Variants in TNR observed in about 807,000 individuals in gnomAD.
The protein encoded by TNR is tenascin R.
Under a neutral mutation model 150.4 loss-of-function variants are expected in TNR, and 45 were observed. The ratio of observed to expected loss-of-function variants is 0.30; its 90% CI spans 0.24 to 0.38. The LOEUF (loss-of-function observed/expected upper bound fraction) is 0.38. TNR is among the 10% of genes least tolerant of loss of function. TNR has a pLI of 1.00. For missense variants in TNR, 1,544 were observed against 1,759.1 expected, an observed-to-expected ratio of 0.88 and a Z score of 2.19; for synonymous variants, 687 against 678.4, an observed-to-expected ratio of 1.01 and a Z score of -0.20.
chr1:175,709,304 CACAT>C lies in TNR; in HGVS notation c.-165+33918_-165+33921del, dbSNP rs747913014. ...TTCCTCCCTTGCTTTCACACACACA[CACAT>C]ACACACACACACACACACACACACA... On this transcript the variant is annotated intron_variant, in intron 1 of 22. Coordinates refer to ENST00000367674, the MANE Select transcript of TNR (RefSeq NM_003285.3). Among the ~76,000 whole-genome samples, 1,308 of 137,872 alleles carry C rather than the reference CACAT, an allele frequency of 9.5e-3. 10 individuals are homozygous for C. Among genetic ancestry groups the C allele is most frequent in the Middle Eastern group, 0.045 (13 of 288 alleles). The allele number at this position is 137,872 out of a possible 152,430, so 90.4% of individuals were successfully genotyped here.
At chr1:175,709,346 C>T (rs1162922334) in intron 1 of TNR, among the ~76,000 whole-genome samples, 1 of 151,820 alleles carries the variant, frequency 6.6e-6, no homozygotes, top group Non-Finnish European at 1.5e-5. Context: ...CACACACGCA[C>T]TTCCAACAAG....
At chr1:175,583,983 G>A (rs555455260) in intron 1 of TNR, among the ~76,000 whole-genome samples, 77 of 152,306 alleles carry the variant, frequency 5.1e-4, no homozygotes, top group Admixed American at 1.8e-3. Flanking sequence ...TCCAGAAGAC[G>A]TGGAGCTGTG....
At chr1:175,631,067 G>A (rs532023620) in intron 1 of TNR, among the ~76,000 whole-genome samples, 3 of 152,312 alleles carry the variant, frequency 2.0e-5, no homozygotes, top group Admixed American at 6.5e-5. Context: ...TTTCAACGGC[G>A]CAATCTTTGT....
chr1:175,500,344 C>G (rs535011161), intron 2 of TNR, among the ~76,000 whole-genome samples: 1 of 152,168 alleles, frequency 6.6e-6, no homozygotes. Flanking sequence ...TTCCATTTTT[C>G]TTGTGTGGAT....
chr1:175,479,229 G>T (rs1571498553), intron 2 of TNR, among the ~76,000 whole-genome samples: 1 of 152,258 alleles, frequency 6.6e-6, no homozygotes, highest in African/African-American at 2.4e-5. Context: ...CCCCTCCTTT[G>T]AGATGGGAAA....
intron 19 of TNR, among the ~76,000 whole-genome samples, chr1:175,336,605 C>T (rs1264852014): frequency 6.6e-6 from 1 of 152,192 alleles, no homozygotes; most frequent in Non-Finnish European, 1.5e-5. Context: ...AGGAGGCTGC[C>T]CTTATTTTCC....
chr1:175,393,772 A>AGT lies in TNR; in HGVS notation c.1356+6_1356+7dup. 1 of 1,597,452 alleles carries AGT rather than the reference A, an allele frequency of 6.3e-7. No individual in the cohort carries two copies. Among genetic ancestry groups the AGT allele is most frequent in the Non-Finnish European group, 8.6e-7 (1 of 1,164,718 alleles). ...AGTCTGTTTGGCAGTGTAACAGGTG[A>AGT]GTGTTACCTTTGGAATGAAGCTGAT... On this transcript the variant is annotated splice_region_variant and intron_variant, in intron 6 of 22. Transcript: ENST00000367674.
At chr1:175,488,867 G>A (rs973684969) in intron 2 of TNR, among the ~76,000 whole-genome samples, 2 of 152,222 alleles carry the variant, frequency 1.3e-5, no homozygotes, top group Admixed American at 1.3e-4. Flanking sequence ...GAGGGAGGAA[G>A]GGTGCCTGCA....
chr1:175,720,807 C>G (rs946969795), intron 1 of TNR, among the ~76,000 whole-genome samples: 2 of 152,212 alleles, frequency 1.3e-5, no homozygotes, highest in African/African-American at 4.8e-5. Context: ...CTGTTTTGCT[C>G]TCATTCAAGG....
chr1:175,542,840 C>T (rs1029062359), intron 1 of TNR, among the ~76,000 whole-genome samples: 1 of 152,148 alleles, frequency 6.6e-6, no homozygotes, highest in Non-Finnish European at 1.5e-5. Context: ...CTTTCCAACG[C>T]TTTTGCCCAC....
intron 1 of TNR, among the ~76,000 whole-genome samples, chr1:175,741,141 T>A (rs1437289871): frequency 6.6e-6 from 1 of 152,232 alleles, no homozygotes; most frequent in Non-Finnish European, 1.5e-5. Flanking sequence ...AGGCTTTGGC[T>A]GCAAGTCTAT....
chr1:175,629,092 C>T (rs558838636), intron 1 of TNR, among the ~76,000 whole-genome samples: 4 of 152,160 alleles, frequency 2.6e-5, no homozygotes, highest in Admixed American at 1.3e-4. Context: ...CAGCTGTCTG[C>T]GGTGCACTGG....
intron 9 of TNR, among the ~76,000 whole-genome samples, chr1:175,370,338 C>CTTTTTTTTTTTTTTTTTTTTTTTTTTT (rs55795922): frequency 2.8e-4 from 12 of 42,972 alleles, no homozygotes; most frequent in African/African-American, 7.6e-4. Context: ...ATTTTGAGTA[C>CTTTTTTTTTTTTTTTTTTTTTTTTTTT]TTTTTTTTTT....
At chr1:175,643,324 G>A (rs910565269) in intron 1 of TNR, among the ~76,000 whole-genome samples, 4 of 152,182 alleles carry the variant, frequency 2.6e-5, no homozygotes, top group Admixed American at 2.6e-4. Flanking sequence ...TACTGAGTGG[G>A]AAGTGTTTGG....
chr1:175,742,631 G>A (rs993646945), intron 1 of TNR, among the ~76,000 whole-genome samples: 1 of 152,038 alleles, frequency 6.6e-6, no homozygotes, highest in Non-Finnish European at 1.5e-5. Context: ...ACTTACCATG[G>A]GTTCACACCA....
chr1:175,542,003 C>T (rs973793300), intron 1 of TNR, among the ~76,000 whole-genome samples: 2 of 152,074 alleles, frequency 1.3e-5, no homozygotes, highest in African/African-American at 2.4e-5. Context: ...AAACCAAAGA[C>T]GCTCTACCAA....
At position 175,323,376 on chromosome 1, in the gene TNR, C is replaced by T. The variant is rs779239538; in HGVS notation, c.4058G>A (p.Arg1353Gln). 1.6e-5 allele frequency: 26 copies of T among 1,613,992 alleles called. No homozygotes were observed. In the South Asian group the frequency reaches 1.8e-4, roughly 11 times the overall value. ...CACTGCTCAGAACTGTAAGGACTGC[C>T]GTTTTCTCCCTGCCATGAGACGGTG... ...YNHRLMAGRK[R>Q]QSLQF Residue 1353 changes from arginine (R) to glutamine (Q), a missense_variant, in exon 23 of 23, where the codon CGG (arginine) becomes CAG (glutamine). By Grantham distance (43) the Arg-to-Gln change is conservative. Around this residue, in one of 2 missense-constraint regions of TNR, gnomAD observed 290 missense variants for 429.7 expected, o/e 0.67. Transcript: ENST00000367674.
chr1:175,509,717 C>T (rs1431006218), intron 2 of TNR, among the ~76,000 whole-genome samples: 1 of 152,200 alleles, frequency 6.6e-6, no homozygotes, highest in East Asian at 1.9e-4. Context: ...AATTCATAGT[C>T]TGATGTTAGC....
chr1:175,363,577 C>A, intron 13 of TNR, 131 bp downstream of exon 13: 2 of 1,257,660 alleles, frequency 1.6e-6, no homozygotes, highest in Non-Finnish European at 2.2e-6. Context: ...AGCCCACTCT[C>A]ATTCTGATGC....
Sources: gnomAD v4.1 joint callset for allele counts (sites outside exome capture counted in the v4.1 genomes callset) on GRCh38, gnomAD v4.1.1 for gene constraint, gnomAD v4.1.1 regional missense constraint, MANE v1.5 for transcripts, NCBI Gene and HGNC (gene_info 2026-07-23, HGNC 2026-07-21) for gene names.